The following PBX3 variants were observed in gnomAD, a reference collection of about 807,000 sequenced individuals.
PBX3 encodes the protein PBX homeobox 3.
A neutral mutation model predicts 48.5 loss-of-function variants in PBX3; 14 were observed. That is an observed-to-expected ratio of 0.29 (90% confidence interval 0.19 to 0.45). The LOEUF (loss-of-function observed/expected upper bound fraction) is 0.45, where lower values mean the gene tolerates loss of function less well. PBX3 is among the 20% of genes least tolerant of loss of function. The pLI, the probability that PBX3 is intolerant of heterozygous loss-of-function variation, is 1.00. For missense variants in PBX3, 386 were observed against 546.7 expected, an observed-to-expected ratio of 0.71 and a Z score of 2.93; for synonymous variants, 210 against 200.3, an observed-to-expected ratio of 1.05 and a Z score of -0.41.
intron 2 of PBX3, among the ~76,000 whole-genome samples, chr9:125,817,594 A>G (rs1346809933): frequency 6.6e-6 from 1 of 152,216 alleles, no homozygotes; most frequent in African/African-American, 2.4e-5. Flanking sequence ...ATAACGGTGC[A>G]TTCTAGAATT....
At chr9:125,899,831 A>C (rs976165056) in intron 2 of PBX3, among the ~76,000 whole-genome samples, 3 of 151,768 alleles carry the variant, frequency 2.0e-5, no homozygotes, top group African/African-American at 7.2e-5. Context: ...GAAGTAATTG[A>C]GAATTGGAGG....
At chr9:125,854,984 A>T (rs1211415930) in intron 2 of PBX3, among the ~76,000 whole-genome samples, 1 of 152,210 alleles carries the variant, frequency 6.6e-6, no homozygotes, top group African/African-American at 2.4e-5. Flanking sequence ...TAAATAGTAG[A>T]TATTTTTATC....
At chr9:125,801,019 G>C (rs1276597990) in intron 2 of PBX3, among the ~76,000 whole-genome samples, 2 of 151,986 alleles carry the variant, frequency 1.3e-5, no homozygotes. Context: ...CCCCAGTGTT[G>C]GGATTACAGG....
intron 2 of PBX3, among the ~76,000 whole-genome samples, chr9:125,764,943 C>T (rs1007447671): frequency 3.3e-5 from 5 of 152,088 alleles, no homozygotes; most frequent in East Asian, 1.9e-4. Context: ...GGGTTCTTGA[C>T]GGCTACTGTG....
intron 2 of PBX3, among the ~76,000 whole-genome samples, chr9:125,877,679 AT>A (rs939270543): frequency 1.3e-5 from 2 of 152,006 alleles, no homozygotes; most frequent in African/African-American, 2.4e-5. Flanking sequence ...GCTCCATAAC[AT>A]TTTCAGAATC....
intron 2 of PBX3, among the ~76,000 whole-genome samples, chr9:125,760,555 A>G (rs1388995185): frequency 6.6e-6 from 1 of 152,180 alleles, no homozygotes; most frequent in African/African-American, 2.4e-5. Flanking sequence ...TATCTACAGT[A>G]TGTTTTAAAA....
chr9:125,868,611 G>A (rs1840044960), intron 2 of PBX3, among the ~76,000 whole-genome samples: 1 of 152,162 alleles, frequency 6.6e-6, no homozygotes, highest in African/African-American at 2.4e-5. Context: ...GGTTTTGAAG[G>A]CATATGTGCA....
chr9:125,783,392 A>G (rs1564652799), intron 2 of PBX3, among the ~76,000 whole-genome samples: 1 of 151,896 alleles, frequency 6.6e-6, no homozygotes, highest in Non-Finnish European at 1.5e-5. Flanking sequence ...GGTTCAAGTG[A>G]TTCTCCTGCC....
rs571214605 is a variant in PBX3, at chr9:125,908,222, T to C, written c.275-7464T>C. 1.2e-4 allele frequency among the ~76,000 whole-genome samples: 19 copies of C among 152,196 alleles called. 1 individual carries two copies. The highest frequency in any genetic ancestry group is 1.0e-3 in the Admixed American group (16 of 15,280). On this transcript the variant is annotated intron_variant, in intron 2 of 8. Transcript: ENST00000373489. ...GAGGAACTTATTGAAGTCTGGAAGATCGGTCTTCCAGAAAATAGAGCAGTG... is the reference window on the plus strand; with the variant it reads ...GAGGAACTTATTGAAGTCTGGAAGACCGGTCTTCCAGAAAATAGAGCAGTG...
intron 3 of PBX3, among the ~76,000 whole-genome samples, chr9:125,922,511 A>T (rs984113853): frequency 1.5e-4 from 23 of 152,224 alleles, no homozygotes; most frequent in African/African-American, 5.1e-4. Flanking sequence ...TATTATGGAC[A>T]TTAACCAGAA....
At chr9:125,885,720 AT>A (rs1333588932) in intron 2 of PBX3, among the ~76,000 whole-genome samples, 2 of 151,980 alleles carry the variant, frequency 1.3e-5, no homozygotes, top group African/African-American at 4.8e-5. Context: ...ATTTATAACC[AT>A]TTTGCCATAT....
chr9:125,887,795 G>T (rs1482091792), intron 2 of PBX3, among the ~76,000 whole-genome samples: 1 of 151,988 alleles, frequency 6.6e-6, no homozygotes, highest in Non-Finnish European at 1.5e-5. Context: ...AGAAAGTAAG[G>T]GTAAATTTAT....
At chr9:125,894,048 C>T (rs909122844) in intron 2 of PBX3, among the ~76,000 whole-genome samples, 6 of 151,908 alleles carry the variant, frequency 3.9e-5, no homozygotes, top group South Asian at 2.1e-4. Flanking sequence ...ACCATGGCTA[C>T]ATATAGTTGC....
chr9:125,859,651 A>C (rs1310440624), intron 2 of PBX3, among the ~76,000 whole-genome samples: 1 of 152,196 alleles, frequency 6.6e-6, no homozygotes, highest in African/African-American at 2.4e-5. Context: ...ACAGGATACC[A>C]CATGATCCAT....
At chr9:125,962,246 G>C in intron 7 of PBX3, 32 bp downstream of exon 7, 1 of 1,276,682 alleles carries the variant, frequency 7.8e-7, no homozygotes, top group Non-Finnish European at 1.1e-6. Context: ...GGCCTTTCTA[G>C]CAGGGTAGGG....
At chr9:125,886,713 A>G (rs538563938) in intron 2 of PBX3, among the ~76,000 whole-genome samples, 14 of 152,306 alleles carry the variant, frequency 9.2e-5, no homozygotes, top group Admixed American at 3.3e-4. Context: ...GAATTAATGG[A>G]TGGTCCTACA....
intron 5 of PBX3, among the ~76,000 whole-genome samples, chr9:125,958,476 A>G (rs1396324539): frequency 1.3e-5 from 2 of 152,206 alleles, no homozygotes; most frequent in African/African-American, 4.8e-5. Flanking sequence ...TAATGTTGTG[A>G]TAGTCTAGAT....
At chr9:125,755,122 C>T (rs1836477815) in intron 2 of PBX3, among the ~76,000 whole-genome samples, 1 of 152,002 alleles carries the variant, frequency 6.6e-6, no homozygotes, top group African/African-American at 2.4e-5. Context: ...TGTGATACAT[C>T]AGTTTTCAAA....
At chr9:125,788,639 G>A (rs751578960) in intron 2 of PBX3, among the ~76,000 whole-genome samples, 32 of 152,152 alleles carry the variant, frequency 2.1e-4, no homozygotes, top group Admixed American at 6.5e-4. Context: ...TTGGGAGGCC[G>A]AGCTGGGCAG....
Sources: gnomAD v4.1 joint callset for allele counts (sites outside exome capture counted in the v4.1 genomes callset) on GRCh38, gnomAD v4.1.1 for gene constraint, MANE v1.5 for transcripts, NCBI Gene and HGNC (gene_info 2026-07-23, HGNC 2026-07-21) for gene names.